Variants in STAG2 observed in about 807,000 individuals in gnomAD.
STAG2 encodes the protein cohesin subunit SA-2.
STAG2 carries 14 observed loss-of-function variants against 108.1 expected under a neutral mutation model. The ratio of observed to expected loss-of-function variants is 0.13; its 90% CI spans 0.09 to 0.20. The LOEUF (loss-of-function observed/expected upper bound fraction) is 0.20, where lower values mean the gene tolerates loss of function less well. Among genes scored for constraint, STAG2 ranks in the 10% least tolerant of loss-of-function variants. STAG2 has a pLI of 1.00. For missense variants in STAG2, 440 were observed against 940.9 expected (o/e 0.47, Z 6.96); for synonymous variants, 307 against 302.7 (o/e 1.01, Z -0.15).
chrX:124,066,715 T>C (rs1353105742), intron 23 of STAG2, among the ~76,000 whole-genome samples: 1 of 112,036 alleles, frequency 8.9e-6, no homozygotes, highest in Admixed American at 9.5e-5. Flanking sequence ...GAAACAGATA[T>C]AAGTATTAGA....
intron 1 of STAG2, among the ~76,000 whole-genome samples, chrX:123,963,810 C>T (rs1321498993): frequency 9.0e-6 from 1 of 111,441 alleles, no homozygotes; most frequent in Non-Finnish European, 1.9e-5. Flanking sequence ...AATTTATCAC[C>T]TACCAAAGAA....
intron 5 of STAG2, among the ~76,000 whole-genome samples, chrX:124,037,303 A>T (rs1327086975): frequency 1.8e-5 from 2 of 112,119 alleles, no homozygotes; most frequent in Non-Finnish European, 3.8e-5. Context: ...AATGCAAAAT[A>T]AATAGAAGAT....
chrX:124,028,822 A>ATATATTTTTTT (rs1296806013), intron 4 of STAG2, among the ~76,000 whole-genome samples: 93 of 38,928 alleles, frequency 2.4e-3, no homozygotes, highest in African/African-American at 0.01. Flanking sequence ...ATATATATAT[A>ATATATTTTTTT]TTTTTTTTTT....
intron 4 of STAG2, among the ~76,000 whole-genome samples, chrX:124,028,413 A>G (rs1004112528): frequency 9.9e-5 from 11 of 111,669 alleles, no homozygotes; most frequent in African/African-American, 3.3e-4. Context: ...GAGTGATTCT[A>G]TCATGCTACT....
At position 124,101,944 on chromosome X, in the gene STAG2, A is replaced by G. The variant is rs773286400; in HGVS notation, c.*1347A>G. Reference sequence around the variant, plus strand: ...AAATATTAACTTATATTACATGTGTATCTATCTATTGTCAGTCGTCTCTCA... The same window carrying G: ...AAATATTAACTTATATTACATGTGTGTCTATCTATTGTCAGTCGTCTCTCA... On this transcript the variant is annotated 3_prime_UTR_variant, in exon 35 of 35. Transcript: ENST00000371145. 6.2e-6 allele frequency: 1 copy of G among 161,842 alleles called. No individual in the cohort carries two copies. The highest frequency in any genetic ancestry group is 1.2e-5 in the Non-Finnish European group (1 of 82,593). The allele number at this position is 161,842 out of a possible 1,213,427, so 13.3% of individuals were successfully genotyped here.
chrX:124,025,796 TA>T, intron 3 of STAG2, 43 bp from the exon 4 acceptor site: 1 of 981,308 alleles, frequency 1.0e-6, no homozygotes, highest in Non-Finnish European at 1.4e-6. Flanking sequence ...AAACTCAATA[TA>T]AATTTCTAAG....
intron 34 of STAG2, among the ~76,000 whole-genome samples, chrX:124,099,855 C>A (rs967563268): frequency 1.8e-5 from 2 of 111,407 alleles, no homozygotes; most frequent in African/African-American, 3.3e-5. Context: ...GAGTCACATG[C>A]CATTCTTGTT....
intron 1 of STAG2, among the ~76,000 whole-genome samples, chrX:124,001,597 C>A (rs1240425679): frequency 3.6e-5 from 4 of 111,440 alleles, no homozygotes; most frequent in Admixed American, 2.9e-4. Flanking sequence ...GGTATTTTTA[C>A]TGTACCCTTT....
rs746193588 is a variant in STAG2 at position 124,030,948 on chromosome X, A to AT, written c.124-7dup. 3 of 1,183,378 alleles carry AT rather than the reference A, an allele frequency of 2.5e-6. No individual in the cohort carries two copies. Among genetic ancestry groups the AT allele is most frequent in the Non-Finnish European group, 3.4e-6 (3 of 884,674 alleles). On this transcript the variant is annotated splice_polypyrimidine_tract_variant and intron_variant, in intron 4 of 34. Transcript: ENST00000371145. The stretch of plus-strand genomic sequence containing the variant: ...TAGTGATATAACTTAACCACCTCGT[A>AT]TTTTTTATGCAGACTTGTAAAAAAG...
At chrX:124,061,127 T>G in intron 15 of STAG2, 97 bp from the exon 16 acceptor site, 7 of 564,867 alleles carry the variant, frequency 1.2e-5, no homozygotes, top group Non-Finnish European at 1.9e-5. Flanking sequence ...GATTGCTGTT[T>G]GAGAGTTTGT....
At chrX:124,047,100 C>T (rs2057900941) in intron 8 of STAG2, among the ~76,000 whole-genome samples, 1 of 111,402 alleles carries the variant, frequency 9.0e-6, no homozygotes, top group African/African-American at 3.3e-5. Flanking sequence ...TTTAAAATTT[C>T]CCTGAGCTTC....
intron 1 of STAG2, among the ~76,000 whole-genome samples, chrX:124,013,501 TTCTA>T (rs1178619090): frequency 8.9e-6 from 1 of 112,131 alleles, no homozygotes; most frequent in Non-Finnish European, 1.9e-5. Flanking sequence ...AAAACAAATA[TTCTA>T]TCTGTTTTGA....
At chrX:124,070,380 A>G (rs2058635307) in intron 24 of STAG2, among the ~76,000 whole-genome samples, 1 of 111,623 alleles carries the variant, frequency 9.0e-6, no homozygotes, top group African/African-American at 3.3e-5. Flanking sequence ...TCTGTATTAT[A>G]TTGTCTTTCC....
At chrX:124,057,120 A>G (rs887652345) in intron 14 of STAG2, among the ~76,000 whole-genome samples, 14 of 112,081 alleles carry the variant, frequency 1.2e-4, no homozygotes, top group Admixed American at 8.5e-4. Flanking sequence ...AAAGTTTGAC[A>G]TAAGAATCCC....
Position 124,083,560 on chromosome X carries a change from G to C in STAG2, c.3053+11G>C. 1 of 1,141,097 alleles carries C rather than the reference G, an allele frequency of 8.8e-7. No homozygotes were observed. Among genetic ancestry groups the C allele is most frequent in the Non-Finnish European group, 1.2e-6 (1 of 858,493 alleles). The allele number at this position is 1,141,097 out of a possible 1,213,427, so 94.0% of individuals were successfully genotyped here. ...AGACAAAAGAACAGTGTATGTATTTGCTGGAAATGTCCTATTTAATTTCAT... is the reference window on the plus strand; with the variant it reads ...AGACAAAAGAACAGTGTATGTATTTCCTGGAAATGTCCTATTTAATTTCAT... On this transcript the variant is annotated intron_variant, in intron 29 of 34. Transcript: ENST00000371145.
At chrX:123,976,906 A>T (rs1404526944) in intron 1 of STAG2, among the ~76,000 whole-genome samples, 6 of 112,149 alleles carry the variant, frequency 5.4e-5, no homozygotes, top group Non-Finnish European at 1.1e-4. Context: ...TTTCATAGTG[A>T]TACTTTCTTT....
chrX:123,986,594 G>T (rs1289473856), intron 1 of STAG2, among the ~76,000 whole-genome samples: 1 of 111,581 alleles, frequency 9.0e-6, no homozygotes, highest in Non-Finnish European at 1.9e-5. Context: ...TTACTAATCT[G>T]TAAAATGGGC....
intron 20 of STAG2, 22 bp downstream of exon 20, chrX:124,064,073 A>G: frequency 1.7e-6 from 2 of 1,143,648 alleles, no homozygotes; most frequent in East Asian, 3.0e-5. Flanking sequence ...AACTATTACA[A>G]GTATTTTGTC....
chrX:124,009,997 TC>T (rs2056466940), intron 1 of STAG2, among the ~76,000 whole-genome samples: 1 of 111,538 alleles, frequency 9.0e-6, no homozygotes, highest in African/African-American at 3.3e-5. Context: ...TCTCAATAGA[TC>T]AGTAGTTATA....
Sources: gnomAD v4.1 joint callset for allele counts (sites outside exome capture counted in the v4.1 genomes callset) on GRCh38, gnomAD v4.1.1 for gene constraint, MANE v1.5 for transcripts, NCBI Gene and HGNC (gene_info 2026-07-23, HGNC 2026-07-21) for gene names.